Variants in KLHL1 observed in about 807,000 individuals in gnomAD.
KLHL1 encodes the protein kelch like family member 1, also known as kelch-like protein 1.
Under a neutral mutation model 77.7 loss-of-function variants are expected in KLHL1, and 47 were observed. The ratio of observed to expected loss-of-function variants is 0.60; its 90% CI spans 0.48 to 0.77. KLHL1 has a LOEUF of 0.77. Ranked by LOEUF, KLHL1 falls within the 30% of genes least tolerant of loss-of-function variation. KLHL1 has a pLI of 0.00. For missense variants in KLHL1, 925 were observed against 910.8 expected (o/e 1.02, Z -0.20); for synonymous variants, 360 against 325.2 (o/e 1.11, Z -1.15).
chr13:69,841,546 A>C (rs1879261710), intron 5 of KLHL1, among the ~76,000 whole-genome samples: 1 of 151,890 alleles, frequency 6.6e-6, no homozygotes, highest in African/African-American at 2.4e-5. Context: ...CACTAATGAA[A>C]GAAATTGAAG....
intron 1 of KLHL1, among the ~76,000 whole-genome samples, chr13:70,005,509 T>C (rs1477408127): frequency 6.6e-6 from 1 of 151,978 alleles, no homozygotes; most frequent in South Asian, 2.1e-4. Context: ...AATTAGTGTT[T>C]GTGTATTTTA....
intron 9 of KLHL1, among the ~76,000 whole-genome samples, chr13:69,715,523 T>TA (rs771690366): frequency 2.0e-4 from 1 of 4,948 alleles, no homozygotes; most frequent in Non-Finnish European, 1.3e-3. Context: ...GTTTTATTAT[T>TA]TATTTTTTTT....
intron 7 of KLHL1, among the ~76,000 whole-genome samples, chr13:69,791,689 G>T (rs1230180183): frequency 6.6e-6 from 1 of 152,078 alleles, no homozygotes; most frequent in Non-Finnish European, 1.5e-5. Context: ...GGAAAGAAAG[G>T]TCTTTTCAAC....
chr13:69,796,780 A>C lies in KLHL1; in HGVS notation c.1597T>G (p.Trp533Gly). 1 of 1,613,778 alleles carries C rather than the reference A, an allele frequency of 6.2e-7. No individual in the cohort carries two copies. Residue 533 changes from tryptophan (W) to glycine (G), a missense_variant, in exon 7 of 11, where the codon TGG becomes GGG. Transcript: ENST00000377844. ...GTTGACATTGGTGGTAAGACAGTCC[A>C]TGTCTTGGTTTTGGGATTGTAACAT... The part of the protein sequence containing the change: ...VECYNPKTKT[W>G]TVLPPMSTHR...
rs569397772 is a variant in KLHL1, at chr13:69,831,185, C to T, written c.1414+7791G>A. On this transcript the variant is annotated intron_variant, in intron 6 of 10. Coordinates refer to ENST00000377844, the MANE Select transcript of KLHL1 (RefSeq NM_020866.3). ...TGGTTCTTTGAAAAGATAAACATAA[C>T]TCATAGACCATTAGTGAGATTAACC... Among the ~76,000 whole-genome samples, 397 of 149,554 alleles carry T rather than the reference C, an allele frequency of 2.7e-3. 22 individuals are homozygous for T. The highest frequency in any genetic ancestry group is 3.4e-3 in the Middle Eastern group (1 of 290).
intron 1 of KLHL1, among the ~76,000 whole-genome samples, chr13:70,064,581 A>C (rs954886649): frequency 2.6e-5 from 4 of 152,116 alleles, no homozygotes; most frequent in African/African-American, 9.7e-5. Flanking sequence ...CATGTTTTCC[A>C]TTTTTCATTA....
chr13:69,925,757 T>A (rs1466744574), intron 4 of KLHL1, among the ~76,000 whole-genome samples: 4 of 152,218 alleles, frequency 2.6e-5, no homozygotes, highest in African/African-American at 9.6e-5. Context: ...CATTATTTTT[T>A]GTAGTGACTT....
intron 4 of KLHL1, among the ~76,000 whole-genome samples, chr13:69,901,254 T>G (rs562750792): frequency 6.6e-6 from 1 of 152,336 alleles, no homozygotes; most frequent in East Asian, 1.9e-4. Flanking sequence ...AGAACCCACA[T>G]CACAAGAAAA....
intron 5 of KLHL1, among the ~76,000 whole-genome samples, chr13:69,848,280 C>T (rs150252379): frequency 1.3e-5 from 2 of 151,586 alleles, no homozygotes; most frequent in Admixed American, 6.6e-5. Context: ...CACCAAAGCT[C>T]GTAGCACTTC....
intron 8 of KLHL1, among the ~76,000 whole-genome samples, chr13:69,722,774 A>C (rs565911782): frequency 5.3e-5 from 8 of 152,082 alleles, no homozygotes; most frequent in African/African-American, 1.9e-4. Context: ...CCCTCAAAAA[A>C]TTACAAGTAG....
At chr13:69,780,709 T>TATATATATAC (rs1333208359) in intron 7 of KLHL1, among the ~76,000 whole-genome samples, 4 of 37,344 alleles carry the variant, frequency 1.1e-4, no homozygotes, top group African/African-American at 5.7e-4. Context: ...TATGTATATA[T>TATATATATAC]ATATATGTAT....
chr13:69,765,033 C>T (rs563445683), intron 7 of KLHL1, among the ~76,000 whole-genome samples: 9 of 139,926 alleles, frequency 6.4e-5, no homozygotes, highest in African/African-American at 2.4e-4. Context: ...CTCACTGCAG[C>T]CTCCACCTCC....
chr13:69,715,560 G>C (rs1311874454), intron 9 of KLHL1, among the ~76,000 whole-genome samples: 2 of 150,064 alleles, frequency 1.3e-5, no homozygotes, highest in Non-Finnish European at 3.0e-5. Flanking sequence ...TCGCTCTGTT[G>C]CCCAGGCTGG....
intron 1 of KLHL1, among the ~76,000 whole-genome samples, chr13:70,019,368 G>T (rs1593678779): frequency 6.6e-6 from 1 of 150,628 alleles, no homozygotes; most frequent in African/African-American, 2.4e-5. Context: ...AGCTATAAAA[G>T]TTAATGAAGG....
chr13:70,026,583 C>G (rs1475908002), intron 1 of KLHL1, among the ~76,000 whole-genome samples: 1 of 151,946 alleles, frequency 6.6e-6, no homozygotes, highest in East Asian at 1.9e-4. Context: ...GGTCCGTTCC[C>G]TCATGAGTAA....
At chr13:69,934,944 C>T (rs1476735082) in intron 4 of KLHL1, among the ~76,000 whole-genome samples, 2 of 85,938 alleles carry the variant, frequency 2.3e-5, no homozygotes, top group East Asian at 3.4e-4. Context: ...GTAAAATTTA[C>T]CGTGTGTGTG....
chr13:69,727,884 C>T (rs1873372153), intron 8 of KLHL1, among the ~76,000 whole-genome samples: 1 of 151,100 alleles, frequency 6.6e-6, no homozygotes, highest in African/African-American at 2.4e-5. Flanking sequence ...AATATTTTTA[C>T]CTCAGCCAAG....
rs549307529 is a variant in KLHL1, at chr13:70,053,006, C to A, written c.497+54197G>T. 9.9e-5 allele frequency among the ~76,000 whole-genome samples: 15 copies of A among 151,924 alleles called. No homozygotes were observed. The East Asian group carries it at 2.3e-3, about 23-fold the overall frequency. ...GATAAGTACACAATTGCCAGACATC[C>A]AAACAAGGCAGAAAGTAATTGCTGC... On this transcript the variant is annotated intron_variant, in intron 1 of 10. Transcript: ENST00000377844.
intron 1 of KLHL1, among the ~76,000 whole-genome samples, chr13:70,100,399 ATT>A (rs567693973): frequency 2.0e-5 from 3 of 151,944 alleles, no homozygotes; most frequent in African/African-American, 4.8e-5. Context: ...AGCTTGCTAC[ATT>A]TTTTTGTCGA....
Sources: gnomAD v4.1 joint callset for allele counts (sites outside exome capture counted in the v4.1 genomes callset) on GRCh38, gnomAD v4.1.1 for gene constraint, MANE v1.5 for transcripts, NCBI Gene and HGNC (gene_info 2026-07-23, HGNC 2026-07-21) for gene names.